PPP2R3A: variants seen among roughly 807,000 people sequenced by gnomAD.
PPP2R3A encodes protein phosphatase 2 regulatory subunit B''alpha.
In PPP2R3A, 80 loss-of-function variants were observed where a neutral mutation model predicts 106.9. The ratio of observed to expected loss-of-function variants is 0.75; its 90% CI spans 0.62 to 0.90. PPP2R3A has a LOEUF of 0.90. PPP2R3A is among the 40% of genes least tolerant of loss of function. PPP2R3A has a pLI of 0.00. For missense variants in PPP2R3A, 1,386 were observed against 1,350.4 expected (o/e 1.03, Z -0.41); for synonymous variants, 483 against 468.3 (o/e 1.03, Z -0.41).
chr3:136,083,190 A>AT (rs1388550394), intron 8 of PPP2R3A, among the ~76,000 whole-genome samples: 1 of 151,740 alleles, frequency 6.6e-6, no homozygotes, highest in African/African-American at 2.4e-5. Flanking sequence ...ATTTTTTTGT[A>AT]TTTTTTTGTA....
chr3:136,035,579 C>CT (rs567327875), intron 3 of PPP2R3A, among the ~76,000 whole-genome samples: 1,531 of 152,298 alleles, frequency 0.01, 8 homozygotes, highest in Middle Eastern at 0.034. Flanking sequence ...TTGTAGGGCT[C>CT]TGCTGAGAAA....
At chr3:136,068,046 G>A (rs1936314806) in intron 5 of PPP2R3A, among the ~76,000 whole-genome samples, 1 of 151,744 alleles carries the variant, frequency 6.6e-6, no homozygotes, top group African/African-American at 2.4e-5. Context: ...GCAACATGGT[G>A]AAACCCCATC....
chr3:136,143,931 G>A (rs1938988370), intron 13 of PPP2R3A, among the ~76,000 whole-genome samples: 3 of 152,204 alleles, frequency 2.0e-5, no homozygotes, highest in Non-Finnish European at 1.5e-5. Context: ...ACAAATTCCT[G>A]CTTAAATATT....
chr3:136,132,104 G>A (rs1938451059), intron 13 of PPP2R3A, among the ~76,000 whole-genome samples: 1 of 151,946 alleles, frequency 6.6e-6, no homozygotes, highest in African/African-American at 2.4e-5. Flanking sequence ...CATGGCACAT[G>A]TATACCTATG....
intron 4 of PPP2R3A, among the ~76,000 whole-genome samples, chr3:136,048,870 A>G (rs1488000857): frequency 6.6e-6 from 1 of 152,192 alleles, no homozygotes; most frequent in African/African-American, 2.4e-5. Context: ...TCGGGGTAAA[A>G]GGAAGGGAGA....
chr3:135,984,602 T>C (rs1937581689), intron 1 of PPP2R3A, among the ~76,000 whole-genome samples: 1 of 152,078 alleles, frequency 6.6e-6, no homozygotes, highest in Non-Finnish European at 1.5e-5. Context: ...CAAGATCTGA[T>C]GGTTTTATAA....
chr3:136,110,755 A>G (rs1309961709), intron 13 of PPP2R3A, among the ~76,000 whole-genome samples: 2 of 152,228 alleles, frequency 1.3e-5, no homozygotes, highest in African/African-American at 4.8e-5. Flanking sequence ...TTGTTTTTCA[A>G]ACTTAAAAAT....
chr3:136,103,366 C>G lies in PPP2R3A; in HGVS notation c.3212C>G (p.Ala1071Gly). The G allele has an allele frequency of 6.3e-7, 1 of 1,587,908 alleles. No individual in the cohort carries two copies. The highest frequency in any genetic ancestry group is 8.6e-7 in the Non-Finnish European group (1 of 1,158,220). ...GACCATGAACAGAGAGATCCCTTTG[C>G]GGTCCAGAAGGTAACAGTATAATTT... ...YLDHEQRDPF[A>G]VQKDVENDGP... Residue 1071 changes from alanine to glycine, a missense_variant, in exon 12 of 14, where the codon GCG (alanine) becomes GGG (glycine). By Grantham distance (60) the Ala-to-Gly change is moderately conservative (BLOSUM62 0). Transcript: ENST00000264977.
chr3:135,985,069 C>T (rs1206755263), intron 1 of PPP2R3A, among the ~76,000 whole-genome samples: 1 of 152,122 alleles, frequency 6.6e-6, no homozygotes, highest in African/African-American at 2.4e-5. Context: ...ATGGGAGCTA[C>T]AATATGAGAT....
rs1475057215 is a variant in PPP2R3A at position 136,070,495 on chromosome 3, C to G, written c.2487C>G (p.His829Gln). 4 of 1,608,922 alleles carry G rather than the reference C, an allele frequency of 2.5e-6. No homozygotes were observed. Among genetic ancestry groups the G allele is most frequent in the African/African-American group, 2.7e-5 (2 of 74,660 alleles). The part of the protein sequence containing the change: ...IPLLQDVVDT[H>Q]PGLTFLKDAP... ...TTTTTCAGGATGTGGTGGATACCCA[C>G]CCTGGTCTCACGTTCCTGAAAGATG... Residue 829 changes from histidine to glutamine, a missense_variant, in exon 6 of 14, where the codon CAC (histidine) becomes CAG (glutamine). Transcript: ENST00000264977.
chr3:135,980,657 C>T (rs922908982), intron 1 of PPP2R3A, among the ~76,000 whole-genome samples: 1 of 151,814 alleles, frequency 6.6e-6, no homozygotes, highest in Non-Finnish European at 1.5e-5. Context: ...GGTGTATAGA[C>T]TCCTATACAT....
intron 3 of PPP2R3A, among the ~76,000 whole-genome samples, chr3:136,028,994 A>G (rs1276867262): frequency 1.3e-5 from 2 of 152,124 alleles, no homozygotes; most frequent in Non-Finnish European, 2.9e-5. Flanking sequence ...CTGGGATTAC[A>G]GGCATGCACC....
At chr3:136,131,954 T>C (rs968954485) in intron 13 of PPP2R3A, among the ~76,000 whole-genome samples, 6 of 145,866 alleles carry the variant, frequency 4.1e-5, no homozygotes, top group East Asian at 2.0e-4. Context: ...TAGGTGGGAA[T>C]TGAACAATGA....
intron 1 of PPP2R3A, among the ~76,000 whole-genome samples, chr3:135,971,027 A>G (rs1014073213): frequency 6.6e-6 from 1 of 152,152 alleles, no homozygotes; most frequent in Non-Finnish European, 1.5e-5. Context: ...TGAGCTGATG[A>G]ACAAAGACTA....
intron 13 of PPP2R3A, chr3:136,106,657 C>A: frequency 7.8e-6 from 2 of 257,654 alleles, no homozygotes; most frequent in South Asian, 4.1e-5. Flanking sequence ...CACGGTGGCT[C>A]ACGCCTGTAA....
chr3:136,055,154 CT>C, intron 5 of PPP2R3A: 1 of 756,032 alleles, frequency 1.3e-6, no homozygotes, highest in South Asian at 2.2e-5. Flanking sequence ...TTTAGGCTTA[CT>C]TTGGTGTTCA....
intron 1 of PPP2R3A, among the ~76,000 whole-genome samples, chr3:135,991,097 T>G (rs1933140703): frequency 6.6e-6 from 1 of 152,148 alleles, no homozygotes; most frequent in African/African-American, 2.4e-5. Context: ...CAGGACTGGG[T>G]TTGGCAGATC....
intron 1 of PPP2R3A, among the ~76,000 whole-genome samples, chr3:135,995,353 C>T (rs1291176916): frequency 2.6e-5 from 4 of 151,518 alleles, no homozygotes; most frequent in African/African-American, 9.7e-5. Context: ...TTTCATATGC[C>T]ATTAAGAAAA....
intron 3 of PPP2R3A, among the ~76,000 whole-genome samples, chr3:136,032,921 G>T (rs1479016850): frequency 1.3e-5 from 2 of 152,208 alleles, no homozygotes; most frequent in African/African-American, 4.8e-5. Flanking sequence ...TGTTGAAGAA[G>T]AGTAGTAAGA....
Sources: gnomAD v4.1 joint callset for allele counts (sites outside exome capture counted in the v4.1 genomes callset) on GRCh38, gnomAD v4.1.1 for gene constraint, MANE v1.5 for transcripts, NCBI Gene and HGNC (gene_info 2026-07-23, HGNC 2026-07-21) for gene names.